ARHGAP32: variants seen among roughly 807,000 people sequenced by gnomAD.
ARHGAP32 encodes Rho GTPase activating protein 32, also known as rho GTPase-activating protein 32.
ARHGAP32 carries 51 observed loss-of-function variants against 186.5 expected under a neutral mutation model. The ratio of observed to expected loss-of-function variants is 0.27; its 90% CI spans 0.22 to 0.35. ARHGAP32 has a LOEUF of 0.35. Among genes scored for constraint, ARHGAP32 ranks in the 10% least tolerant of loss-of-function variants. ARHGAP32 has a pLI of 1.00. For synonymous variants in ARHGAP32, 950 were observed against 964.3 expected (o/e 0.99, Z 0.27); for missense variants, 2,186 against 2,623.5 (o/e 0.83, Z 3.64).
intron 10 of ARHGAP32, among the ~76,000 whole-genome samples, chr11:129,048,694 A>T (rs955960132): frequency 1.3e-5 from 2 of 152,224 alleles, no homozygotes; most frequent in Non-Finnish European, 2.9e-5. Flanking sequence ...CTGAATATTG[A>T]ACATAATTGT....
intron 1 of ARHGAP32, among the ~76,000 whole-genome samples, chr11:129,268,264 G>A (rs1945431298): frequency 1.3e-5 from 2 of 152,168 alleles, no homozygotes. Flanking sequence ...ATTTTTCACA[G>A]ACAGCTAAAG....
intron 1 of ARHGAP32, among the ~76,000 whole-genome samples, chr11:129,269,356 G>C (rs1945446348): frequency 6.6e-6 from 1 of 152,142 alleles, no homozygotes; most frequent in South Asian, 2.1e-4. Flanking sequence ...ATAAAAGAAA[G>C]AGGTGGGGGT....
At chr11:129,006,188 T>A (rs1937762129) in intron 11 of ARHGAP32, among the ~76,000 whole-genome samples, 1 of 152,200 alleles carries the variant, frequency 6.6e-6, no homozygotes, top group African/African-American at 2.4e-5. Context: ...GAAGTCTCTG[T>A]CTGAAAGGTC....
At chr11:129,263,885 G>A (rs1429495255) in intron 1 of ARHGAP32, among the ~76,000 whole-genome samples, 1 of 152,052 alleles carries the variant, frequency 6.6e-6, no homozygotes, top group East Asian at 1.9e-4. Flanking sequence ...TTCCACTTCT[G>A]GATGTATACT....
intron 6 of ARHGAP32, among the ~76,000 whole-genome samples, chr11:129,078,453 G>A (rs995255688): frequency 8.5e-5 from 13 of 152,080 alleles, no homozygotes; most frequent in Admixed American, 5.2e-4. Context: ...GAACAAAAAC[G>A]AACTCTTTGA....
intron 11 of ARHGAP32, among the ~76,000 whole-genome samples, chr11:129,035,685 A>C (rs1358274441): frequency 6.6e-6 from 1 of 151,974 alleles, no homozygotes; most frequent in Middle Eastern, 3.2e-3. Flanking sequence ...CTCTACTAAA[A>C]ATATAAAAAT....
intron 1 of ARHGAP32, among the ~76,000 whole-genome samples, chr11:129,257,052 C>T (rs926694457): frequency 6.6e-6 from 1 of 152,124 alleles, no homozygotes; most frequent in Non-Finnish European, 1.5e-5. Context: ...GACTAGATCA[C>T]ATGGCTACCT....
chr11:129,218,708 A>G (rs992762872), intron 1 of ARHGAP32, among the ~76,000 whole-genome samples: 18 of 151,790 alleles, frequency 1.2e-4, no homozygotes, highest in African/African-American at 3.9e-4. Flanking sequence ...GACGCACTGG[A>G]GAACTTCCAC....
rs1468286452 is a variant in ARHGAP32, at chr11:128,967,044, G to C, written c.*1863C>G. Reference sequence around the variant, plus strand: ...ATTTCCACAGACCTTTTCACATATGGGTGTTTCAAGGTTTCTACTACAGTT... The same window carrying C: ...ATTTCCACAGACCTTTTCACATATGCGTGTTTCAAGGTTTCTACTACAGTT... On this transcript the variant is annotated 3_prime_UTR_variant, in exon 23 of 23. Coordinates refer to ENST00000682385, the MANE Select transcript of ARHGAP32 (RefSeq NM_001378024.1). The C allele has an allele frequency of 3.3e-5, 5 of 152,072 alleles. No individual in the cohort carries two copies. The highest frequency in any genetic ancestry group is 7.4e-5 in the Non-Finnish European group (5 of 68,022). The allele number at this position is 152,072 out of a possible 1,614,324, so 9.4% of individuals were successfully genotyped here.
chr11:129,169,320 C>G (rs1565453694), intron 1 of ARHGAP32, among the ~76,000 whole-genome samples: 4 of 151,916 alleles, frequency 2.6e-5, no homozygotes, highest in Admixed American at 2.6e-4. Context: ...AAACAGAAAG[C>G]CTGTGAACAT....
chr11:129,001,069 TGA>T (rs1946346480), intron 11 of ARHGAP32, among the ~76,000 whole-genome samples: 1 of 152,216 alleles, frequency 6.6e-6, no homozygotes, highest in Admixed American at 6.5e-5. Flanking sequence ...TTGGCTATTG[TGA>T]GCAGGGATAC....
rs973929175 is a variant in ARHGAP32 at position 129,189,237 on chromosome 11, T to C, written c.116+2846A>G. Among the ~76,000 whole-genome samples, 24 of 152,220 alleles carry C rather than the reference T, an allele frequency of 1.6e-4. 1 individual carries two copies. The highest frequency in any genetic ancestry group is 1.4e-3 in the Admixed American group (22 of 15,276). ...TTCATTAAAGTCTTCACTTTCAAAG[T>C]CAGTTACATCTGGGTTCAAATTTTT... On this transcript the variant is annotated intron_variant, in intron 1 of 22. Transcript: ENST00000682385.
At chr11:129,014,441 T>C (rs1365497989) in intron 11 of ARHGAP32, among the ~76,000 whole-genome samples, 1 of 152,192 alleles carries the variant, frequency 6.6e-6, no homozygotes, top group African/African-American at 2.4e-5. Flanking sequence ...TTCTCTAAAG[T>C]TCTAGGAATT....
intron 1 of ARHGAP32, among the ~76,000 whole-genome samples, chr11:129,181,673 A>G (rs564454468): frequency 1.3e-5 from 2 of 152,306 alleles, no homozygotes; most frequent in Admixed American, 1.3e-4. Context: ...CGATGAGGAC[A>G]GTTACATTGG....
intron 1 of ARHGAP32, among the ~76,000 whole-genome samples, chr11:129,276,919 T>TC (rs1167102891): frequency 6.6e-6 from 1 of 152,158 alleles, no homozygotes; most frequent in African/African-American, 2.4e-5. Flanking sequence ...CAACCTAACT[T>TC]CAAGTCCTTG....
intron 1 of ARHGAP32, among the ~76,000 whole-genome samples, chr11:129,276,145 C>T (rs1945526596): frequency 6.6e-6 from 1 of 152,244 alleles, no homozygotes; most frequent in African/African-American, 2.4e-5. Flanking sequence ...AGCAGTAGCT[C>T]ACAGTCTCAA....
At chr11:128,995,996 T>C (rs1017465073) in intron 12 of ARHGAP32, among the ~76,000 whole-genome samples, 1 of 152,248 alleles carries the variant, frequency 6.6e-6, no homozygotes, top group Admixed American at 6.5e-5. Context: ...TGTCTTGCTA[T>C]GAAATGTCAA....
upstream of ARHGAP32, among the ~76,000 whole-genome samples, chr11:129,197,176 G>A (rs577297491): frequency 3.9e-3 from 587 of 152,296 alleles, 2 homozygotes; most frequent in African/African-American, 0.013. Context: ...TAGCCTAGAC[G>A]TCTCTGATCT....
chr11:129,178,412 T>G (rs985671890), intron 1 of ARHGAP32, among the ~76,000 whole-genome samples: 14 of 151,932 alleles, frequency 9.2e-5, no homozygotes, highest in African/African-American at 2.7e-4. Flanking sequence ...AAGCTACCAA[T>G]GACTTTCTTC....
Sources: allele counts gnomAD v4.1 joint callset (sites outside exome capture counted in the v4.1 genomes callset), GRCh38; gene constraint gnomAD v4.1.1; transcripts MANE v1.5; gene names NCBI Gene and HGNC (gene_info 2026-07-23, HGNC 2026-07-21).